The following RP1 variants were observed in gnomAD, a reference collection of about 807,000 sequenced individuals.
The protein encoded by RP1 is RP1 axonemal microtubule associated, also known as oxygen-regulated protein 1.
Under a neutral mutation model 14.8 loss-of-function variants are expected in RP1, and 16 were observed. That is an observed-to-expected ratio of 1.08 (90% CI 0.73 to 1.65). The LOEUF is 1.65. Ranked by LOEUF, RP1 falls within the 40% of genes most tolerant of loss-of-function variation. The pLI is 0.00. For missense variants in RP1, 2,631 were observed against 2,535.0 expected (o/e 1.04, Z -0.81); for synonymous variants, 876 against 883.6 (o/e 0.99, Z 0.15).
chr8:54,648,951 G>C (rs898343234), intron 3 of RP1: 9 of 1,427,062 alleles, frequency 6.3e-6, no homozygotes, highest in Non-Finnish European at 8.2e-6. Flanking sequence ...TCTATCAGTT[G>C]CCATAATGCT....
intron 12 of RP1, among the ~76,000 whole-genome samples, chr8:54,685,906 C>T (rs1405382520): frequency 2.0e-5 from 3 of 152,160 alleles, no homozygotes; most frequent in Admixed American, 1.3e-4. Flanking sequence ...GGAAACCAGG[C>T]AGCCATGCAG....
At chr8:54,664,952 G>T (rs1806984591) in intron 7 of RP1, among the ~76,000 whole-genome samples, 1 of 152,050 alleles carries the variant, frequency 6.6e-6, no homozygotes, top group Non-Finnish European at 1.5e-5. Flanking sequence ...AATATACCCG[G>T]TTAACACACC....
At chr8:54,755,918 T>A (rs937792447) in intron 21 of RP1, 3 of 726,222 alleles carry the variant, frequency 4.1e-6, no homozygotes, top group Non-Finnish European at 6.1e-6. Context: ...CTTCCTAATG[T>A]GCTTTGTTTT....
chr8:54,632,449 C>A (rs753722438), downstream of RP1, among the ~76,000 whole-genome samples: 2 of 152,168 alleles, frequency 1.3e-5, no homozygotes. Flanking sequence ...TTAAAGTGAA[C>A]GTGTTCACAT....
At chr8:54,810,752 G>A (rs1435514937) in intron 24 of RP1, among the ~76,000 whole-genome samples, 1 of 152,218 alleles carries the variant, frequency 6.6e-6, no homozygotes, top group African/African-American at 2.4e-5. Flanking sequence ...GAAGAGGGAA[G>A]GCTCGGTCCA....
At chr8:54,726,077 T>G (rs1360908261) in intron 16 of RP1, among the ~76,000 whole-genome samples, 1 of 152,164 alleles carries the variant, frequency 6.6e-6, no homozygotes, top group Non-Finnish European at 1.5e-5. Flanking sequence ...TTGAATAAGT[T>G]GTTTGATTCA....
chr8:54,782,827 C>T (rs980413639), intron 23 of RP1, among the ~76,000 whole-genome samples: 1 of 152,068 alleles, frequency 6.6e-6, no homozygotes, highest in African/African-American at 2.4e-5. Flanking sequence ...TCATGCTCTG[C>T]TTGTCTCAGC....
At chr8:54,674,051 A>G in intron 8 of RP1, 1 of 692,378 alleles carries the variant, frequency 1.4e-6, no homozygotes, top group Non-Finnish European at 2.3e-6. Context: ...TATTGACTAT[A>G]TGAAATCAAA....
At chr8:54,664,564 T>C (rs1309083409) in intron 7 of RP1, among the ~76,000 whole-genome samples, 1 of 152,174 alleles carries the variant, frequency 6.6e-6, no homozygotes, top group Non-Finnish European at 1.5e-5. Context: ...TTGTTAATTT[T>C]TTTTTATGTA....
chr8:54,582,448 C>G (rs1220801594), intron 1 of RP1, among the ~76,000 whole-genome samples: 1 of 150,902 alleles, frequency 6.6e-6, no homozygotes, highest in Non-Finnish European at 1.5e-5. Flanking sequence ...ATGCCTCCAG[C>G]TTTGTTCTTT....
chr8:54,761,233 C>CTT lies in RP1; in HGVS notation c.3248+2177_3248+2178dup, dbSNP rs71554177. Reference sequence around the variant, plus strand: ...ACCCATCATTTCTTGCGCTACCTTACTTTTTTTTTTTTTTTTTTTTTGAGA... The same window carrying CTT: ...ACCCATCATTTCTTGCGCTACCTTACTTTTTTTTTTTTTTTTTTTTTTTGAGA... On this transcript the variant is annotated intron_variant, in intron 22 of 22. Coordinates refer to the RP1 transcript ENST00000636932. 2.6e-3 allele frequency among the ~76,000 whole-genome samples: 288 copies of CTT among 109,144 alleles called. 7 individuals carry two copies. Among genetic ancestry groups the CTT allele is most frequent in the South Asian group, 0.014 (44 of 3,156 alleles). The allele number at this position is 109,144 out of a possible 152,430, so 71.6% of individuals were successfully genotyped here. A position where few individuals can be genotyped will look rare whatever the true frequency, so the allele number is the denominator to read the frequency against.
At chr8:54,672,803 T>G (rs942393472) in intron 7 of RP1, among the ~76,000 whole-genome samples, 2 of 152,192 alleles carry the variant, frequency 1.3e-5, no homozygotes, top group Non-Finnish European at 2.9e-5. Context: ...CAACTTTCCT[T>G]GAGGACCCAA....
At chr8:54,746,168 C>CT (rs1221067963) in intron 19 of RP1, among the ~76,000 whole-genome samples, 2 of 151,866 alleles carry the variant, frequency 1.3e-5, no homozygotes, top group East Asian at 3.9e-4. Context: ...TTATGGAATG[C>CT]TTTTTTTTGG....
At chr8:54,754,675 C>A (rs923434799) in intron 19 of RP1, 4 of 925,748 alleles carry the variant, frequency 4.3e-6, no homozygotes, top group Non-Finnish European at 5.8e-6. Context: ...CTACTAACAA[C>A]CATCACCGCT....
intron 24 of RP1, among the ~76,000 whole-genome samples, chr8:54,812,233 C>T (rs1231842339): frequency 2.6e-5 from 4 of 151,778 alleles, no homozygotes; most frequent in South Asian, 2.1e-4. Flanking sequence ...TTCTGCCTCC[C>T]AGACTCAAGC....
intron 3 of RP1, 29 bp from the exon 4 acceptor site, chr8:54,624,641 G>T: frequency 6.2e-7 from 1 of 1,610,600 alleles, no homozygotes; most frequent in South Asian, 1.1e-5. Flanking sequence ...TTTTGATGTG[G>T]GCACCTTTTA....
Position 54,585,491 on chromosome 8 carries a change from C to T in RP1, c.-13+26171C>T, listed in dbSNP as rs566118520. 2.6e-5 allele frequency among the ~76,000 whole-genome samples: 4 copies of T among 152,194 alleles called. No individual in the cohort carries two copies. The South Asian group carries it at 8.3e-4, about 32-fold the overall frequency. ...TTATGTGTCTTGGAGTTGCTCTTCT[C>T]GAAGAGTATCTTTGTGGCGTTCTCT... On this transcript the variant is annotated intron_variant, in intron 1 of 22. Transcript: ENST00000636932.
intron 24 of RP1, among the ~76,000 whole-genome samples, chr8:54,794,444 AAT>A (rs944809804): frequency 6.6e-6 from 1 of 151,686 alleles, no homozygotes; most frequent in Non-Finnish European, 1.5e-5. Flanking sequence ...AATATTTGAC[AAT>A]GTTTGTCAAT....
chr8:54,855,964 C>T (rs966402374), intron 26 of RP1, among the ~76,000 whole-genome samples: 2 of 124,530 alleles, frequency 1.6e-5, no homozygotes, highest in African/African-American at 6.9e-5. Flanking sequence ...CACACACACA[C>T]ACACACACCC....
Sources: gnomAD v4.1 joint callset for allele counts (sites outside exome capture counted in the v4.1 genomes callset) on GRCh38, gnomAD v4.1.1 for gene constraint, MANE v1.5 for transcripts, NCBI Gene and HGNC (gene_info 2026-07-23, HGNC 2026-07-21) for gene names.